The following FCRL6 variants were observed in gnomAD, a reference collection of about 807,000 sequenced individuals.
The protein encoded by FCRL6 is Fc receptor-like protein 6.
Under a neutral mutation model 49.1 loss-of-function variants are expected in FCRL6, and 50 were observed. The ratio of observed to expected loss-of-function variants is 1.02; its 90% CI spans 0.81 to 1.29. The LOEUF is 1.29. FCRL6 is among the 50% of genes most tolerant of loss of function. The pLI is 0.00. For missense variants in FCRL6, 571 were observed against 518.5 expected (o/e 1.10, Z -0.98); for synonymous variants, 213 against 199.6 (o/e 1.07, Z -0.57).
In FCRL6 at chr1:159,815,934, T is replaced by C. The variant is rs1487616217; in HGVS notation, c.*273T>C. On this transcript the variant is annotated 3_prime_UTR_variant, in exon 10 of 10. Coordinates refer to ENST00000368106, the MANE Select transcript of FCRL6 (RefSeq NM_001004310.3). ...GGACACATAAGCCACAGATGTCTTC[T>C]TTCCATACAAGCATGTTAGTTCGCC... is the stretch of plus-strand genomic sequence containing the variant. 5 of 406,448 alleles carry C rather than the reference T, an allele frequency of 1.2e-5. No homozygotes were observed. The highest frequency in any genetic ancestry group is 7.0e-5 in the Admixed American group (2 of 28,420). The allele number at this position is 406,448 out of a possible 1,614,324, so 25.2% of individuals were successfully genotyped here. A position where few individuals can be genotyped will look rare whatever the true frequency, so the allele number is the denominator to read the frequency against.
chr1:159,815,480 C>T (rs369642398), intron 9 of FCRL6, 21 bp downstream of exon 9: 17 of 1,613,998 alleles, frequency 1.1e-5, no homozygotes, highest in East Asian at 2.2e-5. Context: ...ATCCCTGCTC[C>T]TTTCTCACCC....
chr1:159,815,289 T>C, intron 8 of FCRL6, 139 bp from the exon 9 acceptor site: 1 of 810,478 alleles, frequency 1.2e-6, no homozygotes, highest in Non-Finnish European at 1.9e-6. Flanking sequence ...CAATTCCAGG[T>C]TGAGGAGGAG....
Position 159,809,161 on chromosome 1 carries a change from G to T in FCRL6, c.520G>T (p.Asp174Tyr), listed in dbSNP as rs770728843. Residue 174 changes from aspartate to tyrosine, a missense_variant, in exon 4 of 10, where the codon GAC becomes TAC. Coordinates refer to ENST00000368106, the MANE Select transcript of FCRL6 (RefSeq NM_001004310.3). ...CTGCATCCCGGGAGCCAAGGAGGGAGACTCTGGGCTTTACTGGTGTGAGGT... is the reference window on the plus strand; with the variant it reads ...CTGCATCCCGGGAGCCAAGGAGGGATACTCTGGGCTTTACTGGTGTGAGGT... ...ELCIPGAKEG[D>Y]SGLYWCEVAP... is the part of the protein sequence containing the mutation. 6.2e-7 allele frequency: 1 copy of T among 1,613,674 alleles called. No individual in the cohort carries two copies. The highest frequency in any genetic ancestry group is 1.3e-5 in the African/African-American group (1 of 75,038).
At chr1:159,812,479 A>G (rs965750524) in intron 6 of FCRL6, among the ~76,000 whole-genome samples, 1 of 152,246 alleles carries the variant, frequency 6.6e-6, no homozygotes, top group Non-Finnish European at 1.5e-5. Flanking sequence ...ACTTCAAAGT[A>G]GCACTCACCT....
chr1:159,806,495 G>A lies in FCRL6; in HGVS notation c.32-101G>A, dbSNP rs1662693116. Reference sequence around the variant, plus strand: ...TAGGAGGTTTGGTGGCCGGGTGGTTGGTTGAATGGGTGTAAGTCCCCATTG... The same window carrying A: ...TAGGAGGTTTGGTGGCCGGGTGGTTAGTTGAATGGGTGTAAGTCCCCATTG... On this transcript the variant is annotated intron_variant, in intron 1 of 9. Coordinates refer to ENST00000368106, the MANE Select transcript of FCRL6 (RefSeq NM_001004310.3). 10 of 1,024,382 alleles carry A rather than the reference G, an allele frequency of 9.8e-6. No individual in the cohort carries two copies. The Admixed American group carries it at 1.0e-4, about 10-fold the overall frequency. 63.5% of individuals were successfully genotyped at this position (1,024,382 alleles called of 1,614,324 possible).
At position 159,809,141 on chromosome 1, in the gene FCRL6, T is replaced by G. The variant is rs146427544; in HGVS notation, c.500T>G (p.Ile167Ser). The change falls in exon 4 of 10, where the codon ATC becomes AGC. Residue 167 changes from isoleucine (I) to serine (S), a missense_variant. By Grantham distance (142) the Ile-to-Ser change is moderately radical. Transcript: ENST00000368106. The part of the protein sequence containing the change: ...QDRGPHPELC[I>S]PGAKEGDSGL... ...AGGGGCCCTCACCCAGAACTCTGCA[T>G]CCCGGGAGCCAAGGAGGGAGACTCT... 55 of 1,613,912 alleles carry G rather than the reference T, an allele frequency of 3.4e-5. No individual in the cohort carries two copies. The African/African-American group carries it at 7.1e-4, about 21-fold the overall frequency.
At chr1:159,811,629 C>T (rs1663091248) in intron 6 of FCRL6, among the ~76,000 whole-genome samples, 1 of 152,204 alleles carries the variant, frequency 6.6e-6, no homozygotes, top group South Asian at 2.1e-4. Context: ...AACTTCCTCT[C>T]CCCTTTTGAA....
In FCRL6 at chr1:159,815,896, A is replaced by C; in HGVS notation, c.*235A>C. 2.0e-6 allele frequency: 1 copy of C among 500,770 alleles called. No individual in the cohort carries two copies. Among genetic ancestry groups the C allele is most frequent in the Non-Finnish European group, 3.6e-6 (1 of 274,408 alleles). 31.0% of individuals were successfully genotyped at this position (500,770 alleles called of 1,614,324 possible). A position where few individuals can be genotyped will look rare whatever the true frequency, so the allele number is the denominator to read the frequency against. On this transcript the variant is annotated 3_prime_UTR_variant, in exon 10 of 10. Transcript: ENST00000368106. ...CCCACCAACACACACACTTAGGTTCAATCAGTGACACTGGACACATAAGCC... is the reference window on the plus strand; with the variant it reads ...CCCACCAACACACACACTTAGGTTCCATCAGTGACACTGGACACATAAGCC...
At chr1:159,803,257 A>AC (rs1400489397) in intron 1 of FCRL6, among the ~76,000 whole-genome samples, 2 of 151,776 alleles carry the variant, frequency 1.3e-5, no homozygotes, top group Non-Finnish European at 2.9e-5. Flanking sequence ...AGCCAGTGTC[A>AC]CCCCCCTTAT....
In FCRL6 at chr1:159,802,376, C is replaced by G. The variant is rs753133609; in HGVS notation, c.-49C>G. Reference sequence around the variant, plus strand: ...CTGGTTGCTCTCTGCCGGCTTCGCCCTGACCTGTTTCTGACCTGTGTTCCC... The same window carrying G: ...CTGGTTGCTCTCTGCCGGCTTCGCCGTGACCTGTTTCTGACCTGTGTTCCC... On this transcript the variant is annotated 5_prime_UTR_variant, in exon 1 of 10. Transcript: ENST00000368106. 1.2e-6 allele frequency: 2 copies of G among 1,611,324 alleles called. No homozygotes were observed. The highest frequency in any genetic ancestry group is 1.7e-5 in the Admixed American group (1 of 59,848).
In FCRL6 at chr1:159,810,156, C is replaced by T; in HGVS notation, c.949C>T (p.Leu317Phe). The T allele has an allele frequency of 6.2e-7, 1 of 1,614,024 alleles. No homozygotes were observed. The highest frequency in any genetic ancestry group is 1.3e-5 in the African/African-American group (1 of 75,040). The stretch of plus-strand genomic sequence containing the variant: ...GGTTCCTTGGCTTCCTGCGAGCCTG[C>T]TTGGCCTGATGGTTATTGCTGCTGC... ...WLVPWLPASL[L>F]GLMVIAAALL... The change falls in exon 6 of 10, where the codon CTT becomes TTT. Residue 317 changes from leucine to phenylalanine, a missense_variant. Transcript: ENST00000368106.
At chr1:159,802,651 C>G (rs528222699) in intron 1 of FCRL6, among the ~76,000 whole-genome samples, 196 bp downstream of exon 1, 10 of 152,140 alleles carry the variant, frequency 6.6e-5, no homozygotes, top group Non-Finnish European at 1.3e-4. Flanking sequence ...TTTCCTACCC[C>G]GTAGTCCTGG....
intron 1 of FCRL6, among the ~76,000 whole-genome samples, chr1:159,803,268 A>T (rs1662462771): frequency 6.6e-6 from 1 of 152,126 alleles, no homozygotes. Flanking sequence ...CCCCCCTTAT[A>T]CCTAAAAGAA....
rs764227693 is a variant in FCRL6 at position 159,809,055 on chromosome 1, C to A, written c.414C>A (p.Pro138=). ...TGAGATGTCAGACAAAGCTGCACCCCCTGAGGTCAGCCTTGAGGCTCCTTT... is the reference window on the plus strand; with the variant it reads ...TGAGATGTCAGACAAAGCTGCACCCACTGAGGTCAGCCTTGAGGCTCCTTT... ...VTLRCQTKLH[P]LRSALRLLFS... is the part of the protein sequence containing the mutation. Residue 138 remains proline (P), a synonymous_variant, in exon 4 of 10, where the codon CCC becomes CCA. Coordinates refer to ENST00000368106, the MANE Select transcript of FCRL6 (RefSeq NM_001004310.3). The A allele has an allele frequency of 1.9e-6, 3 of 1,614,074 alleles. No individual in the cohort carries two copies. Among genetic ancestry groups the A allele is most frequent in the East Asian group, 2.2e-5 (1 of 44,874 alleles).
chr1:159,814,160 A>G, intron 7 of FCRL6, 61 bp from the exon 8 acceptor site: 1 of 1,463,278 alleles, frequency 6.8e-7, no homozygotes, highest in Non-Finnish European at 9.6e-7. Context: ...TCTTCAGGAC[A>G]CTTATGACAT....
In FCRL6 at chr1:159,806,690, G is replaced by A; in HGVS notation, c.52+74G>A. The A allele has an allele frequency of 2.8e-6, 4 of 1,446,976 alleles. 1 individual carries two copies. Among genetic ancestry groups the A allele is most frequent in the Middle Eastern group, 1.8e-4 (1 of 5,658 alleles). 89.6% of individuals were successfully genotyped at this position (1,446,976 alleles called of 1,614,324 possible). On this transcript the variant is annotated intron_variant, in intron 2 of 9. Transcript: ENST00000368106. ...AAACTTACTGGATGGGAACAGGACAGTGCCATGGGGTCCCCCAGAAACATC... is the reference window on the plus strand; with the variant it reads ...AAACTTACTGGATGGGAACAGGACAATGCCATGGGGTCCCCCAGAAACATC...
At chr1:159,812,927 T>C (rs1005943466) in intron 6 of FCRL6, among the ~76,000 whole-genome samples, 2 of 152,222 alleles carry the variant, frequency 1.3e-5, no homozygotes, top group African/African-American at 4.8e-5. Flanking sequence ...ATTAAGATTC[T>C]GTCTCCACTA....
chr1:159,814,997 C>T (rs1663310571), intron 8 of FCRL6, among the ~76,000 whole-genome samples: 1 of 152,150 alleles, frequency 6.6e-6, no homozygotes, highest in Non-Finnish European at 1.5e-5. Flanking sequence ...AGGAATAGAA[C>T]CTAGGTTCTA....
At chr1:159,803,216 C>G (rs1054219834) in intron 1 of FCRL6, among the ~76,000 whole-genome samples, 3 of 152,314 alleles carry the variant, frequency 2.0e-5, no homozygotes, top group Middle Eastern at 3.4e-3. Flanking sequence ...CGCAGAGGGT[C>G]ACTGGGCTCC....
Sources: gnomAD v4.1 joint callset for allele counts (sites outside exome capture counted in the v4.1 genomes callset) on GRCh38, gnomAD v4.1.1 for gene constraint, MANE v1.5 for transcripts, NCBI Gene and HGNC (gene_info 2026-07-23, HGNC 2026-07-21) for gene names.